Variants in CASD1 observed in about 807,000 individuals in gnomAD.
The protein encoded by CASD1 is N-acetylneuraminate (7)9-O-acetyltransferase.
Under a neutral mutation model 100.0 loss-of-function variants are expected in CASD1, and 41 were observed. The observed-to-expected ratio is 0.41, with a 90% CI of 0.32 to 0.53. CASD1 has a LOEUF of 0.53. Among genes scored for constraint, CASD1 ranks in the 20% least tolerant of loss-of-function variants. CASD1 has a pLI of 0.25. For synonymous variants in CASD1, 321 were observed against 315.6 expected, an observed-to-expected ratio of 1.02 and a Z score of -0.18; for missense variants, 774 against 948.7, an observed-to-expected ratio of 0.82 and a Z score of 2.42.
chr7:94,618,023 T>G, the CASD1 span: 1 of 152,220 alleles, frequency 6.6e-6, no homozygotes. Context: ...TGCCTCAACC[T>G]ACAGATTAAA....
At chr7:94,560,681 G>A (rs1236734480), downstream of CASD1, among the ~76,000 whole-genome samples, 1 of 152,142 alleles carries the variant, frequency 6.6e-6, no homozygotes, top group African/African-American at 2.4e-5. Context: ...AAAGATATTA[G>A]AATAAGGTAA....
intron 11 of CASD1, 23 bp from the exon 12 acceptor site, chr7:94,545,522 C>G: frequency 6.3e-7 from 1 of 1,576,112 alleles, no homozygotes; most frequent in Non-Finnish European, 8.7e-7. Flanking sequence ...AGAATGAAAC[C>G]ATTTTCTTCT....
chr7:94,568,853 G>A, the CASD1 span, among the ~76,000 whole-genome samples: 2 of 152,104 alleles, frequency 1.3e-5, no homozygotes, highest in Non-Finnish European at 2.9e-5. Context: ...TCAGGAAATG[G>A]ACCCTTTCCA....
At chr7:94,600,077 G>A in the CASD1 span, 1 of 218,576 alleles carries the variant, frequency 4.6e-6, no homozygotes, top group African/African-American at 2.3e-5. Context: ...CTGACTTCCA[G>A]ATAATCTTGG....
the CASD1 span, chr7:94,603,216 T>A: frequency 2.3e-3 from 2,652 of 1,170,960 alleles, 5 homozygotes; most frequent in Admixed American, 4.9e-3. Flanking sequence ...TAAAAGCAGT[T>A]CAGGTTTTAG....
the CASD1 span, chr7:94,628,163 C>CAG: frequency 7.0e-7 from 1 of 1,438,218 alleles, no homozygotes; most frequent in Non-Finnish European, 9.7e-7. Flanking sequence ...CACACACACA[C>CAG]ATATATGTAT....
At chr7:94,539,355 G>A (rs1795271860) in intron 10 of CASD1, among the ~76,000 whole-genome samples, 1 of 152,142 alleles carries the variant, frequency 6.6e-6, no homozygotes. Context: ...TTATTGAACA[G>A]CTAATTTGAA....
Position 94,535,704 on chromosome 7 carries a change from C to T in CASD1, c.843+181C>T, listed in dbSNP as rs79949295. 1.1e-4 allele frequency among the ~76,000 whole-genome samples: 16 copies of T among 151,952 alleles called. No homozygotes were observed. In the East Asian group the frequency reaches 1.9e-3, roughly 18 times the overall value. On this transcript the variant is annotated intron_variant, in intron 8 of 17. Transcript: ENST00000297273. ...TTTCTATCATCTAGTTGAATATATA[C>T]GTAAGAGTTTTGGTATACTCTAAGA... is the stretch of plus-strand genomic sequence containing the variant.
chr7:94,586,207 A>G, the CASD1 span, among the ~76,000 whole-genome samples: 1 of 152,106 alleles, frequency 6.6e-6, no homozygotes, highest in African/African-American at 2.4e-5. Context: ...GAAAACTGAC[A>G]TGTGCATAAT....
At chr7:94,613,978 TAATAA>T in the CASD1 span, among the ~76,000 whole-genome samples, 1 of 151,728 alleles carries the variant, frequency 6.6e-6, no homozygotes, top group Admixed American at 6.6e-5. Context: ...AAAACACATA[TAATAA>T]AATAAACAAG....
At chr7:94,580,679 G>A in the CASD1 span, among the ~76,000 whole-genome samples, 4 of 152,134 alleles carry the variant, frequency 2.6e-5, no homozygotes, top group African/African-American at 9.7e-5. Context: ...TGAGTCACTT[G>A]TCACCTGAGA....
At chr7:94,617,783 C>T in the CASD1 span, 2 of 68,832 alleles carry the variant, frequency 2.9e-5, no homozygotes, top group African/African-American at 2.1e-4. Flanking sequence ...TTTTCCCCAT[C>T]TGCCTTTTAC....
At chr7:94,575,041 T>A in the CASD1 span, among the ~76,000 whole-genome samples, 1 of 152,158 alleles carries the variant, frequency 6.6e-6, no homozygotes. Context: ...CATGTCTCAG[T>A]CTCCTTCAGT....
At chr7:94,546,411 G>T (rs967694017) in intron 12 of CASD1, among the ~76,000 whole-genome samples, 2 of 151,764 alleles carry the variant, frequency 1.3e-5, no homozygotes, top group Non-Finnish European at 3.0e-5. Context: ...TTTTAAAAAT[G>T]TATTTAACTT....
intron 1 of CASD1, among the ~76,000 whole-genome samples, chr7:94,515,049 A>G (rs1286783198): frequency 3.3e-5 from 5 of 152,098 alleles, no homozygotes; most frequent in African/African-American, 1.2e-4. Context: ...TAATCAGGTT[A>G]TAATAGTAGT....
intron 5 of CASD1, among the ~76,000 whole-genome samples, chr7:94,532,469 A>G (rs1301864534): frequency 1.3e-5 from 2 of 152,184 alleles, no homozygotes; most frequent in East Asian, 3.8e-4. Context: ...GATACCCTGG[A>G]CAAAGGGAGG....
At chr7:94,596,531 C>G in the CASD1 span, among the ~76,000 whole-genome samples, 1 of 152,068 alleles carries the variant, frequency 6.6e-6, no homozygotes, top group African/African-American at 2.4e-5. Context: ...CTATTCTGAC[C>G]TTTTCCTATG....
At chr7:94,524,617 A>G (rs1197869860) in intron 3 of CASD1, among the ~76,000 whole-genome samples, 1 of 152,148 alleles carries the variant, frequency 6.6e-6, no homozygotes, top group South Asian at 2.1e-4. Flanking sequence ...TGTATGGCCT[A>G]TGGATCTATG....
At chr7:94,544,672 T>C (rs1795589990) in intron 11 of CASD1, 142 bp downstream of exon 11, 1 of 763,150 alleles carries the variant, frequency 1.3e-6, no homozygotes, top group South Asian at 2.6e-5. Flanking sequence ...AGTTGTATTC[T>C]GTGTTCTGTG....
Sources: gnomAD v4.1 joint callset for allele counts (sites outside exome capture counted in the v4.1 genomes callset) on GRCh38, gnomAD v4.1.1 for gene constraint, MANE v1.5 for transcripts, NCBI Gene and HGNC (gene_info 2026-07-23, HGNC 2026-07-21) for gene names.